The following TOP3A variants were observed in gnomAD, a reference collection of about 807,000 sequenced individuals.
TOP3A encodes DNA topoisomerase 3-alpha.
A neutral mutation model predicts 111.3 loss-of-function variants in TOP3A; 64 were observed. The ratio of observed to expected loss-of-function variants is 0.57; its 90% CI spans 0.47 to 0.71. The LOEUF is 0.71. TOP3A is among the 30% of genes least tolerant of loss of function. TOP3A has a pLI of 0.00. For missense variants in TOP3A, 1,104 were observed against 1,285.0 expected (o/e 0.86, Z 2.15); for synonymous variants, 484 against 485.1 (o/e 1.00, Z 0.03).
intron 10 of TOP3A, among the ~76,000 whole-genome samples, chr17:18,294,316 T>C (rs1980659687): frequency 6.6e-6 from 1 of 152,110 alleles, no homozygotes; most frequent in Admixed American, 6.6e-5. Context: ...TAAACTCTTA[T>C]TTCTTTATTT....
At chr17:18,299,002 G>A (rs1243951446) in intron 9 of TOP3A, among the ~76,000 whole-genome samples, 1 of 151,062 alleles carries the variant, frequency 6.6e-6, no homozygotes, top group Non-Finnish European at 1.5e-5. Flanking sequence ...CTATTGTCCT[G>A]TGACCCTGCC....
At chr17:18,299,228 C>A (rs1271646270) in intron 9 of TOP3A, among the ~76,000 whole-genome samples, 2 of 152,082 alleles carry the variant, frequency 1.3e-5, no homozygotes, top group African/African-American at 4.8e-5. Flanking sequence ...AAGCTTGAGA[C>A]TAGCCTAGTC....
rs896746596 is a variant in TOP3A, at chr17:18,272,335, G to A, written c.*2467C>T. On this transcript the variant is annotated 3_prime_UTR_variant, in exon 19 of 19. Transcript: ENST00000321105. ...TAACCCTGGTGTGCTGCTGGTGGGT[G>A]TAAAGTGGTGCATCCACTGTGGAAA... is the stretch of plus-strand genomic sequence containing the variant. Among the ~76,000 whole-genome samples the A allele has an allele frequency of 6.6e-6, 1 of 152,222 alleles. No homozygotes were observed. Among genetic ancestry groups the A allele is most frequent in the African/African-American group, 2.4e-5 (1 of 41,460 alleles).
chr17:18,285,324 G>C lies in TOP3A; in HGVS notation c.1712-17C>G. On this transcript the variant is annotated splice_polypyrimidine_tract_variant and intron_variant, in intron 14 of 18. Coordinates refer to ENST00000321105, the MANE Select transcript of TOP3A (RefSeq NM_004618.5). Reference sequence around the variant, plus strand: ...AATCATAACCTGCAGGGAGAGAGTCGAGCTCAGTGAGGGCCCACCTGAGAC... The same window carrying C: ...AATCATAACCTGCAGGGAGAGAGTCCAGCTCAGTGAGGGCCCACCTGAGAC... The C allele has an allele frequency of 1.2e-6, 2 of 1,613,632 alleles. No homozygotes were observed. Among genetic ancestry groups the C allele is most frequent in the Non-Finnish European group, 1.7e-6 (2 of 1,179,750 alleles).
rs1350627592 is a variant in TOP3A at position 18,273,636 on chromosome 17, T to TA, written c.*1165dup. Among the ~76,000 whole-genome samples the TA allele has an allele frequency of 6.6e-6, 1 of 152,158 alleles. No homozygotes were observed. Among genetic ancestry groups the TA allele is most frequent in the Non-Finnish European group, 1.5e-5 (1 of 68,028 alleles). On this transcript the variant is annotated 3_prime_UTR_variant, in exon 19 of 19. Coordinates refer to ENST00000321105, the MANE Select transcript of TOP3A (RefSeq NM_004618.5). ...AAAAAAAGGTTGGATTCTTTCATTTTAAAAAAAGTTTGAGACAGGGTCTTA... is the reference window on the plus strand; with the variant it reads ...AAAAAAAGGTTGGATTCTTTCATTTTAAAAAAAAGTTTGAGACAGGGTCTTA...
In TOP3A at chr17:18,282,758, G is replaced by A; in HGVS notation, c.1961C>T (p.Pro654Leu). ...QEDIYPAMPEPIRKCPQCNKD... is the reference protein window; with the variant it reads ...QEDIYPAMPELIRKCPQCNKD... Reference sequence around the variant, plus strand: ...GTTGCACTGTGGGCACTTCCTGATGGGCTCTGGCATGGCTGGGTAGATATC... The same window carrying A: ...GTTGCACTGTGGGCACTTCCTGATGAGCTCTGGCATGGCTGGGTAGATATC... Residue 654 changes from proline (P) to leucine (L), a missense_variant, in exon 16 of 19, where the codon CCC becomes CTC. Pro to Leu is a moderately conservative substitution (Grantham distance 98, BLOSUM62 -3). Coordinates refer to ENST00000321105, the MANE Select transcript of TOP3A (RefSeq NM_004618.5). 6.2e-7 allele frequency: 1 copy of A among 1,614,144 alleles called. No individual in the cohort carries two copies. The highest frequency in any genetic ancestry group is 1.7e-5 in the Admixed American group (1 of 60,020).
At chr17:18,303,455 C>T (rs948628486) in intron 5 of TOP3A, among the ~76,000 whole-genome samples, 1 of 152,160 alleles carries the variant, frequency 6.6e-6, no homozygotes, top group African/African-American at 2.4e-5. Context: ...CATCTGTCTC[C>T]TGCACGTCTC....
intron 18 of TOP3A, among the ~76,000 whole-genome samples, chr17:18,275,293 C>CAAAAA (rs538677203): frequency 5.1e-4 from 31 of 60,702 alleles, no homozygotes; most frequent in African/African-American, 1.8e-3. Flanking sequence ...GACCCTGTCT[C>CAAAAA]AAAAAAAAAA....
intron 9 of TOP3A, among the ~76,000 whole-genome samples, chr17:18,298,777 CAT>C (rs1158403766): frequency 6.6e-6 from 1 of 152,180 alleles, no homozygotes; most frequent in Non-Finnish European, 1.5e-5. Context: ...CTATCTGAAA[CAT>C]GTGCTGTATC....
rs138006416 is a variant in TOP3A, at chr17:18,271,786, G to C, written c.*3016C>G. The C allele has an allele frequency of 2.7e-5, 12 of 451,918 alleles. No individual in the cohort carries two copies. The Middle Eastern group carries it at 1.6e-3, about 62-fold the overall frequency. The allele number at this position is 451,918 out of a possible 1,614,324, so 28.0% of individuals were successfully genotyped here. A position where few individuals can be genotyped will look rare whatever the true frequency, so the allele number is the denominator to read the frequency against. On this transcript the variant is annotated 3_prime_UTR_variant, in exon 19 of 19. Coordinates refer to ENST00000321105, the MANE Select transcript of TOP3A (RefSeq NM_004618.5). ...ATTTAAAAATGGGGGAAGAGACCAG[G>C]TGTGATGGCTCCTGCCTGTTAATCC...
intron 4 of TOP3A, 104 bp from the exon 5 acceptor site, chr17:18,305,324 G>C (rs2142987566): frequency 1.1e-6 from 1 of 921,596 alleles, no homozygotes; most frequent in Non-Finnish European, 1.7e-6. Context: ...GCTGCTCTTG[G>C]AGTGTGACAA....
intron 17 of TOP3A, among the ~76,000 whole-genome samples, chr17:18,278,746 G>C (rs9916721): frequency 0.026 from 3,930 of 152,266 alleles, 171 homozygotes; most frequent in African/African-American, 0.084. Flanking sequence ...TTGGGAGGCT[G>C]AGGCGGGCGG....
At chr17:18,293,938 A>C (rs933578644) in intron 10 of TOP3A, among the ~76,000 whole-genome samples, 2 of 152,226 alleles carry the variant, frequency 1.3e-5, no homozygotes, top group South Asian at 4.1e-4. Context: ...CTGAGATTAC[A>C]TTCTATTTCA....
rs780520728 is a variant in TOP3A at position 18,278,285 on chromosome 17, T to C, written c.2217A>G (p.Gly739=). ...GGATCTCCCTCAGGGTGTCGTCGCA[T>C]CCGCCGATGCAGCAAACAAACTCCA... ...MPLEFVCCIG[G]CDDTLREILD... is the part of the protein sequence containing the mutation. The change falls in exon 18 of 19, where the codon GGA becomes GGG. Residue 739 remains glycine (G), a synonymous_variant. Coordinates refer to ENST00000321105, the MANE Select transcript of TOP3A (RefSeq NM_004618.5). 2.0e-6 allele frequency: 3 copies of C among 1,527,986 alleles called. No homozygotes were observed. Among genetic ancestry groups the C allele is most frequent in the African/African-American group, 2.8e-5 (2 of 72,180 alleles). 94.7% of individuals were successfully genotyped at this position (1,527,986 alleles called of 1,614,324 possible).
chr17:18,302,980 A>G, intron 5 of TOP3A: 1 of 426,202 alleles, frequency 2.3e-6, no homozygotes, highest in South Asian at 3.2e-5. Context: ...GAAAAGAGAG[A>G]TCAGATCGTT....
chr17:18,279,414 G>A (rs1248418491), intron 17 of TOP3A, among the ~76,000 whole-genome samples: 1 of 151,466 alleles, frequency 6.6e-6, no homozygotes, highest in Admixed American at 6.6e-5. Flanking sequence ...CCACCAGTAC[G>A]CCTGGCTGAT....
At chr17:18,293,267 T>G (rs982844814) in intron 10 of TOP3A, among the ~76,000 whole-genome samples, 12 of 152,224 alleles carry the variant, frequency 7.9e-5, no homozygotes, top group African/African-American at 2.9e-4. Context: ...TCCGATAAAC[T>G]GTAATGTGGA....
At position 18,308,136 on chromosome 17, in the gene TOP3A, C is replaced by G. The variant is rs559298447; in HGVS notation, c.314+215G>C. Among the ~76,000 whole-genome samples, 5 of 145,604 alleles carry G rather than the reference C, an allele frequency of 3.4e-5. No homozygotes were observed. In the East Asian group the frequency reaches 1.0e-3, roughly 30 times the overall value. On this transcript the variant is annotated intron_variant, in intron 3 of 18. Coordinates refer to ENST00000321105, the MANE Select transcript of TOP3A (RefSeq NM_004618.5). ...GTGAGGCAGGAGAATCACTCGAACCCAGGAGGCAGAGGTTGCTGTGAGCCG... is the reference window on the plus strand; with the variant it reads ...GTGAGGCAGGAGAATCACTCGAACCGAGGAGGCAGAGGTTGCTGTGAGCCG...
Position 18,302,729 on chromosome 17 carries a change from G to A in TOP3A, c.500-6C>T. The A allele has an allele frequency of 6.2e-7, 1 of 1,611,606 alleles. No individual in the cohort carries two copies. The highest frequency in any genetic ancestry group is 1.1e-5 in the South Asian group (1 of 91,000). On this transcript the variant is annotated splice_region_variant and splice_polypyrimidine_tract_variant and intron_variant, in intron 5 of 18. Transcript: ENST00000321105. ...CACCTGCAGATTGGGCTTTACTGCAGAACACAAGGTGTTACCAAGGTCAAA... is the reference window on the plus strand; with the variant it reads ...CACCTGCAGATTGGGCTTTACTGCAAAACACAAGGTGTTACCAAGGTCAAA...
Sources: gnomAD v4.1 joint callset for allele counts (sites outside exome capture counted in the v4.1 genomes callset) on GRCh38, gnomAD v4.1.1 for gene constraint, MANE v1.5 for transcripts, NCBI Gene and HGNC (gene_info 2026-07-23, HGNC 2026-07-21) for gene names.